Variants in MAPK14 observed in about 807,000 individuals in gnomAD.
MAPK14 encodes mitogen-activated protein kinase 14.
Under a neutral mutation model 49.6 loss-of-function variants are expected in MAPK14, and 16 were observed. The ratio of observed to expected loss-of-function variants is 0.32; its 90% CI spans 0.22 to 0.49. The LOEUF is 0.49. Ranked by LOEUF, MAPK14 falls within the 20% of genes least tolerant of loss-of-function variation. The pLI is 0.99. For missense variants in MAPK14, 200 were observed against 441.2 expected (o/e 0.45, Z 4.90); for synonymous variants, 142 against 158.0 (o/e 0.90, Z 0.76).
intron 3 of MAPK14, 38 bp downstream of exon 3, chr6:36,059,385 GA>G: frequency 7.1e-7 from 1 of 1,399,466 alleles, no homozygotes; most frequent in Non-Finnish European, 1.0e-6. Context: ...CTGGTCTACA[GA>G]ATGAAGACTA....
At chr6:36,060,402 C>G (rs1763769057) in intron 3 of MAPK14, among the ~76,000 whole-genome samples, 2 of 152,224 alleles carry the variant, frequency 1.3e-5, no homozygotes, top group South Asian at 2.1e-4. Context: ...CTCCCTGCCC[C>G]CAGTTCACAT....
chr6:36,046,160 A>G (rs1238831857), intron 1 of MAPK14, among the ~76,000 whole-genome samples: 1 of 152,214 alleles, frequency 6.6e-6, no homozygotes, highest in Non-Finnish European at 1.5e-5. Flanking sequence ...GATGAGTGAG[A>G]ATGACATCCT....
intron 3 of MAPK14, among the ~76,000 whole-genome samples, chr6:36,072,546 C>G (rs993916928): frequency 6.6e-6 from 1 of 151,828 alleles, no homozygotes; most frequent in East Asian, 1.9e-4. Context: ...GCGGGGGGAT[C>G]ATGAGGTCAG....
At position 36,028,902 on chromosome 6, in the gene MAPK14, T is replaced by G. The variant is rs904575768; in HGVS notation, c.116+629T>G. ...GATCCATAGAGCTTAAAATACCGACTTTATCTCGGTGAGCACTGTGCCAGC... is the reference window on the plus strand; with the variant it reads ...GATCCATAGAGCTTAAAATACCGACGTTATCTCGGTGAGCACTGTGCCAGC... On this transcript the variant is annotated intron_variant, in intron 1 of 11. Coordinates refer to ENST00000229794, the MANE Select transcript of MAPK14 (RefSeq NM_139012.3). This position sits in a 1 kb window ranked among gnomAD's most constrained non-coding sequence, Gnocchi z 5.1. Among the ~76,000 whole-genome samples the G allele has an allele frequency of 2.0e-5, 3 of 150,108 alleles. No homozygotes were observed. Among genetic ancestry groups the G allele is most frequent in the Admixed American group, 6.7e-5 (1 of 14,966 alleles).
intron 8 of MAPK14, among the ~76,000 whole-genome samples, chr6:36,083,279 G>A (rs958078634): frequency 2.0e-5 from 3 of 152,230 alleles, no homozygotes; most frequent in Non-Finnish European, 2.9e-5. Flanking sequence ...AAGGGAGGTG[G>A]TGAGTGATTG....
chr6:36,044,742 G>A (rs1763106040), intron 1 of MAPK14, among the ~76,000 whole-genome samples: 1 of 152,056 alleles, frequency 6.6e-6, no homozygotes, highest in Admixed American at 6.5e-5. Context: ...TAAACAAAAA[G>A]CTCATTGATA....
intron 3 of MAPK14, among the ~76,000 whole-genome samples, chr6:36,069,281 C>T (rs1034056243): frequency 1.3e-5 from 2 of 152,104 alleles, no homozygotes; most frequent in East Asian, 3.9e-4. Context: ...CCTTGCCCCC[C>T]ATCCTGTTCA....
intron 3 of MAPK14, among the ~76,000 whole-genome samples, chr6:36,071,159 C>G (rs1213113938): frequency 6.6e-6 from 1 of 151,836 alleles, no homozygotes; most frequent in African/African-American, 2.4e-5. Context: ...ATGATGAAAC[C>G]CCGCCTCTAC....
At chr6:36,061,682 C>T (rs758529501) in intron 3 of MAPK14, among the ~76,000 whole-genome samples, 30 of 152,196 alleles carry the variant, frequency 2.0e-4, no homozygotes, top group Non-Finnish European at 3.5e-4. Context: ...AACAGTCGCC[C>T]TTCCTTTTGA....
In MAPK14 at chr6:36,111,002, C is replaced by T. The variant is rs1049456364; in HGVS notation, c.*2555C>T. On this transcript the variant is annotated 3_prime_UTR_variant, in exon 12 of 12. Coordinates refer to ENST00000229794, the MANE Select transcript of MAPK14 (RefSeq NM_139012.3). ...ATGAACGAAGTATTAAGCATTGGGG[C>T]CTGTCTTATCTACACTCGAGTGTAA... 6.6e-6 allele frequency: 1 copy of T among 152,184 alleles called. No individual in the cohort carries two copies. Among genetic ancestry groups the T allele is most frequent in the African/African-American group, 2.4e-5 (1 of 41,448 alleles). The allele number at this position is 152,184 out of a possible 1,614,324, so 9.4% of individuals were successfully genotyped here. A position where few individuals can be genotyped will look rare whatever the true frequency, so the allele number is the denominator to read the frequency against.
chr6:36,075,959 A>C lies in MAPK14; in HGVS notation c.607A>C (p.Thr203Pro). The C allele has an allele frequency of 6.2e-7, 1 of 1,614,086 alleles. No individual in the cohort carries two copies. Among genetic ancestry groups the C allele is most frequent in the Non-Finnish European group, 8.5e-7 (1 of 1,179,994 alleles). Residue 203 changes from threonine to proline, a missense_variant, in exon 7 of 12, where the codon ACA (threonine) becomes CCA (proline). By Grantham distance (38) the Thr-to-Pro change is conservative. This residue lies in a region of MAPK14 where 170 missense variants were observed against 407.0 expected (regional missense o/e 0.42). Coordinates refer to ENST00000229794, the MANE Select transcript of MAPK14 (RefSeq NM_139012.3). ...GCTGAACTGGATGCATTACAACCAG[A>C]CAGGTATTACTCGCCTTGGTTATTT... is the stretch of plus-strand genomic sequence containing the variant. ...IMLNWMHYNQ[T>P]VDIWSVGCIM...
chr6:36,100,359 T>C, intron 9 of MAPK14: 2 of 954,774 alleles, frequency 2.1e-6, no homozygotes, highest in Non-Finnish European at 3.4e-6. Flanking sequence ...TTAACATCAC[T>C]GGATGCTTGC....
intron 7 of MAPK14, 44 bp from the exon 8 acceptor site, chr6:36,076,493 A>G (rs746509575): frequency 7.2e-7 from 1 of 1,381,770 alleles, no homozygotes; most frequent in Non-Finnish European, 1.0e-6. Context: ...AAGAATTGTA[A>G]CAGTGACATT....
At chr6:36,112,010 T>C (rs924127286), downstream of MAPK14, among the ~76,000 whole-genome samples, 1 of 151,968 alleles carries the variant, frequency 6.6e-6, no homozygotes, top group African/African-American at 2.4e-5. Context: ...ATCGAGACCA[T>C]CCTGGCTAAC....
chr6:36,036,403 C>A (rs1296223982), intron 1 of MAPK14, among the ~76,000 whole-genome samples: 1 of 152,058 alleles, frequency 6.6e-6, no homozygotes, highest in Non-Finnish European at 1.5e-5. Flanking sequence ...ATTACATAAA[C>A]TTAGTTGATA....
At chr6:36,060,307 C>T (rs1223089922) in intron 3 of MAPK14, among the ~76,000 whole-genome samples, 3 of 152,110 alleles carry the variant, frequency 2.0e-5, no homozygotes, top group Non-Finnish European at 4.4e-5. Context: ...ATTGGTGGGC[C>T]ATAAGACAGA....
the MAPK14 span, among the ~76,000 whole-genome samples, chr6:36,120,533 C>A: frequency 6.6e-6 from 1 of 152,206 alleles, no homozygotes; most frequent in African/African-American, 2.4e-5. Context: ...CGCCACCCCC[C>A]ACCATGATGC....
At chr6:36,096,093 C>G in intron 9 of MAPK14, 27 bp downstream of exon 9, 1 of 1,536,992 alleles carries the variant, frequency 6.5e-7, no homozygotes, top group East Asian at 2.2e-5. Context: ...TAATTATCTG[C>G]CCTGTTGGGA....
At chr6:36,122,445 A>G in the MAPK14 span, among the ~76,000 whole-genome samples, 1 of 152,348 alleles carries the variant, frequency 6.6e-6, no homozygotes, top group African/African-American at 2.4e-5. Flanking sequence ...TGCAGCGATA[A>G]CAAGGCTGCT....
Sources: gnomAD v4.1 joint callset for allele counts (sites outside exome capture counted in the v4.1 genomes callset) on GRCh38, gnomAD v4.1.1 for gene constraint, gnomAD v4.1.1 regional missense constraint, Gnocchi (gnomAD v3.1) non-coding constraint, MANE v1.5 for transcripts, NCBI Gene and HGNC (gene_info 2026-07-23, HGNC 2026-07-21) for gene names.